Variants in COL6A5 observed in about 807,000 individuals in gnomAD.
COL6A5 encodes collagen alpha-5(VI) chain.
A neutral mutation model predicts 65.6 loss-of-function variants in COL6A5; 48 were observed. The observed-to-expected ratio is 0.73, with a 90% CI of 0.58 to 0.93. COL6A5 has a LOEUF of 0.93. COL6A5 is among the 40% of genes least tolerant of loss of function. The probability of loss-of-function intolerance (pLI) is 0.00; values close to 1 mark genes in which losing one functional copy is unlikely to be tolerated. For missense variants in COL6A5, 914 were observed against 928.3 expected (o/e 0.98, Z 0.20); for synonymous variants, 291 against 322.8 (o/e 0.90, Z 1.05).
At chr3:130,407,022 A>G (rs542284480) in intron 17 of COL6A5, among the ~76,000 whole-genome samples, 57 of 152,294 alleles carry the variant, frequency 3.7e-4, no homozygotes, top group African/African-American at 1.3e-3. Flanking sequence ...GAGTGAGGCC[A>G]TGTTGTAGAT....
rs559051251 is a variant in COL6A5 at position 130,414,208 on chromosome 3, T to A, written c.4761+77T>A. On this transcript the variant is annotated intron_variant and NMD_transcript_variant, in intron 22 of 41. Coordinates refer to the COL6A5 transcript ENST00000312481. ...TGGGAAGAAGGCAGGTATTTCTGTA[T>A]AAAAATAAATAACTGAGAATCTGCC... The A allele has an allele frequency of 3.5e-6, 4 of 1,139,986 alleles. No homozygotes were observed. The African/African-American group carries it at 4.7e-5, about 13-fold the overall frequency. 70.6% of individuals were successfully genotyped at this position (1,139,986 alleles called of 1,614,324 possible). A position where few individuals can be genotyped will look rare whatever the true frequency, so the allele number is the denominator to read the frequency against.
At chr3:130,368,834 C>T (rs1378474283) in intron 1 of COL6A5, among the ~76,000 whole-genome samples, 1 of 152,174 alleles carries the variant, frequency 6.6e-6, no homozygotes, top group Admixed American at 6.5e-5. Context: ...TCTAGCCTCA[C>T]AGTTTGTTTT....
chr3:130,450,055 G>A (rs1709396451), intron 4 of COL6A5, among the ~76,000 whole-genome samples: 1 of 146,498 alleles, frequency 6.8e-6, no homozygotes, highest in Admixed American at 6.9e-5. Context: ...AGGTGGACAA[G>A]CATTGTACTG....
intron 1 of COL6A5, among the ~76,000 whole-genome samples, chr3:130,365,301 G>A (rs950655693): frequency 2.0e-5 from 3 of 152,124 alleles, no homozygotes; most frequent in South Asian, 2.1e-4. Flanking sequence ...GTTTTGAGAC[G>A]GAGTCTCACT....
intron 1 of COL6A5, among the ~76,000 whole-genome samples, chr3:130,365,523 C>T (rs1378108903): frequency 1.3e-5 from 2 of 152,152 alleles, no homozygotes; most frequent in African/African-American, 2.4e-5. Context: ...GTGATCCGCC[C>T]GCCTCGGCCT....
intron 19 of COL6A5, 28 bp from the exon 20 acceptor site, chr3:130,410,443 G>A: frequency 6.5e-7 from 1 of 1,532,854 alleles, no homozygotes; most frequent in African/African-American, 1.4e-5. Context: ...TTTTCCTTTT[G>A]ATCTTGAGGA....
chr3:130,394,880 T>C lies in COL6A5; in HGVS notation c.2993-10T>C. 23 of 1,532,448 alleles carry C rather than the reference T, an allele frequency of 1.5e-5. No individual in the cohort carries two copies. The highest frequency in any genetic ancestry group is 1.8e-5 in the Non-Finnish European group (21 of 1,139,924). The allele number at this position is 1,532,448 out of a possible 1,614,324, so 94.9% of individuals were successfully genotyped here. On this transcript the variant is annotated splice_polypyrimidine_tract_variant and intron_variant and NMD_transcript_variant, in intron 7 of 41. Coordinates refer to the COL6A5 transcript ENST00000312481. ...ATGAGGAAAATAATTTATTCTTTTT[T>C]CTATTGCAGTCTGTCATCTTCAGGA...
intron 4 of COL6A5, among the ~76,000 whole-genome samples, chr3:130,449,929 C>T (rs762823799): frequency 2.0e-5 from 3 of 152,016 alleles, no homozygotes; most frequent in Admixed American, 6.6e-5. Context: ...CCAGGCCCAC[C>T]GAACCTTGAG....
At chr3:130,431,406 T>C, upstream of COL6A5, 1 of 1,535,560 alleles carries the variant, frequency 6.5e-7, no homozygotes, top group Non-Finnish European at 8.8e-7. Context: ...AGTAAAGAGT[T>C]GGGGAAAGGA....
rs755028682 is a variant in COL6A5 at position 130,376,372 on chromosome 3, GTGTAGCCCTGGCCCAGTACAGCGACGAGT to G, written c.205_233del (p.Val69SerfsTer3). 3 of 1,613,504 alleles carry G rather than the reference GTGTAGCCCTGGCCCAGTACAGCGACGAGT, an allele frequency of 1.9e-6. No homozygotes were observed. The African/African-American group carries it at 4.0e-5, about 22-fold the overall frequency. On this transcript the variant is annotated frameshift_variant and NMD_transcript_variant, in exon 3 of 42. Transcript: ENST00000312481. Reference sequence around the variant, plus strand: ...CTCCCCATAGAGGCCAACAAATACCGTGTAGCCCTGGCCCAGTACAGCGACGAGTTTCACAGTGAATTCCATCTGAGCAC... The same window carrying G: ...CTCCCCATAGAGGCCAACAAATACCGTTCACAGTGAATTCCATCTGAGCAC...
intron 7 of COL6A5, among the ~76,000 whole-genome samples, chr3:130,482,712 T>A (rs1387131929): frequency 6.6e-6 from 1 of 152,200 alleles, no homozygotes; most frequent in East Asian, 1.9e-4. Context: ...GTCTTCTCTC[T>A]TATTTCCTTG....
exon 6 of COL6A5, chr3:130,389,081 A>G (rs1559873393): frequency 1.4e-6 from 2 of 1,478,022 alleles, no homozygotes; most frequent in South Asian, 2.8e-5. Flanking sequence ...GAGAACTTCG[A>G]TCATCTAAAG....
intron 13 of COL6A5, among the ~76,000 whole-genome samples, chr3:130,404,984 C>T (rs552461532): frequency 6.6e-5 from 10 of 152,316 alleles, no homozygotes; most frequent in Admixed American, 6.5e-4. Flanking sequence ...TAGCATTTAC[C>T]TGTATTTAAA....
chr3:130,426,481 G>C, upstream of COL6A5: 4 of 1,395,070 alleles, frequency 2.9e-6, no homozygotes, highest in Non-Finnish European at 4.0e-6. Context: ...GTGGGTATGT[G>C]AGATCAGTAG....
chr3:130,385,163 A>T, exon 5 of COL6A5: 1 of 1,551,134 alleles, frequency 6.4e-7, no homozygotes, highest in Non-Finnish European at 8.7e-7. Context: ...GACTGATGGG[A>T]TGTCCACAGA....
chr3:130,345,744 G>A (rs1234748428), exon 1 of COL6A5: 3 of 398,572 alleles, frequency 7.5e-6, no homozygotes, highest in East Asian at 3.6e-5. Flanking sequence ...GGTCAGCGCC[G>A]GCTTAAAAGA....
At chr3:130,415,381 A>G (rs2107678738) in intron 22 of COL6A5, among the ~76,000 whole-genome samples, 1 of 152,134 alleles carries the variant, frequency 6.6e-6, no homozygotes, top group Middle Eastern at 3.4e-3. Flanking sequence ...TATAGGTTTC[A>G]TTTCCCGCTT....
At chr3:130,395,187 T>A in exon 8 of COL6A5, 1 of 1,551,708 alleles carries the variant, frequency 6.4e-7, no homozygotes, top group Non-Finnish European at 8.7e-7. Context: ...ATGTTTAATC[T>A]ACATGCTGGT....
chr3:130,382,605 G>T (rs9868060), intron 4 of COL6A5, among the ~76,000 whole-genome samples: 45,682 of 151,950 alleles, frequency 0.3, 8,006 homozygotes, highest in East Asian at 0.5. Context: ...ATGAATTCAG[G>T]CTAGCAACAT....
Sources: allele counts gnomAD v4.1 joint callset (sites outside exome capture counted in the v4.1 genomes callset), GRCh38; gene constraint gnomAD v4.1.1; transcripts MANE v1.5; gene names NCBI Gene and HGNC (gene_info 2026-07-23, HGNC 2026-07-21).